PARD3B: variants seen among roughly 807,000 people sequenced by gnomAD.
PARD3B encodes the protein partitioning defective 3 homolog B.
Under a neutral mutation model 130.2 loss-of-function variants are expected in PARD3B, and 103 were observed. That is an observed-to-expected ratio of 0.79 (90% CI 0.67 to 0.93). The LOEUF (loss-of-function observed/expected upper bound fraction) is 0.93. Ranked by LOEUF, PARD3B falls within the 40% of genes least tolerant of loss-of-function variation. PARD3B has a pLI of 0.00. For missense variants in PARD3B, 1,609 were observed against 1,499.2 expected (o/e 1.07, Z -1.21); for synonymous variants, 583 against 553.2 (o/e 1.05, Z -0.76).
chr2:205,240,582 C>T (rs925567952), intron 15 of PARD3B, among the ~76,000 whole-genome samples: 1 of 152,070 alleles, frequency 6.6e-6, no homozygotes, highest in Non-Finnish European at 1.5e-5. Context: ...ATAGTGTTGG[C>T]ATTCTAAAAA....
At position 205,253,732 on chromosome 2, in the gene PARD3B, C is replaced by T. The variant is rs2039954032; in HGVS notation, c.2185+7910C>T. On this transcript the variant is annotated intron_variant, in intron 16 of 22. Transcript: ENST00000406610. This position sits in a 1 kb window ranked among gnomAD's most constrained non-coding sequence, Gnocchi z 4.4. ...GAGTGACAGGCTAGCATGAGCTGTG[C>T]AGCAGCAAGATTCCATATGAGCAAA... Among the ~76,000 whole-genome samples the T allele has an allele frequency of 1.3e-5, 2 of 152,054 alleles. No homozygotes were observed. Among genetic ancestry groups the T allele is most frequent in the Admixed American group, 6.6e-5 (1 of 15,264 alleles).
rs1177886663 is a variant in PARD3B at position 205,123,334 on chromosome 2, A to G, written c.1166-993A>G. On this transcript the variant is annotated intron_variant, in intron 8 of 22. Transcript: ENST00000406610. ...ATTTTAAGTAGATGAGGATATTTGAAAAGGTCAGGATCTGGACTGGAGAGG... is the reference window on the plus strand; with the variant it reads ...ATTTTAAGTAGATGAGGATATTTGAGAAGGTCAGGATCTGGACTGGAGAGG... Among the ~76,000 whole-genome samples, 6 of 152,204 alleles carry G rather than the reference A, an allele frequency of 3.9e-5. No homozygotes were observed. The East Asian group carries it at 1.2e-3, about 29-fold the overall frequency.
rs140565595 is a variant in PARD3B at position 205,274,958 on chromosome 2, T to C, written c.2186-25572T>C. Among the ~76,000 whole-genome samples the C allele has an allele frequency of 1.3e-3, 193 of 152,294 alleles. 1 individual carries two copies. Among genetic ancestry groups the C allele is most frequent in the African/African-American group, 4.4e-3 (185 of 41,580 alleles). On this transcript the variant is annotated intron_variant, in intron 16 of 22. Coordinates refer to ENST00000406610, the MANE Select transcript of PARD3B (RefSeq NM_001302769.2). This position sits in a 1 kb window ranked among gnomAD's most constrained non-coding sequence, Gnocchi z 4.2. Reference sequence around the variant, plus strand: ...TTTCCTTAATTTTTATTGTCCTGTGTTGTAAAGTGGTCTGTGGCTTCAAAG... The same window carrying C: ...TTTCCTTAATTTTTATTGTCCTGTGCTGTAAAGTGGTCTGTGGCTTCAAAG...
intron 2 of PARD3B, among the ~76,000 whole-genome samples, chr2:204,844,314 A>G (rs997419208): frequency 4.6e-5 from 7 of 152,158 alleles, no homozygotes; most frequent in Non-Finnish European, 1.0e-4. Flanking sequence ...AAATTGTAGC[A>G]GGAAAAAAAA....
chr2:204,889,095 G>C (rs550151666), intron 2 of PARD3B, among the ~76,000 whole-genome samples: 86 of 152,262 alleles, frequency 5.6e-4, no homozygotes, highest in Non-Finnish European at 9.6e-4. Context: ...TCATTGTGGG[G>C]AAACTGAGTA....
chr2:204,929,319 T>TTA (rs1409312922), intron 2 of PARD3B, among the ~76,000 whole-genome samples: 3 of 152,150 alleles, frequency 2.0e-5, no homozygotes, highest in African/African-American at 7.2e-5. Context: ...ACATTGAATG[T>TTA]TAAGGATTCT....
chr2:204,866,046 C>T (rs1299324961), intron 2 of PARD3B, among the ~76,000 whole-genome samples: 1 of 152,196 alleles, frequency 6.6e-6, no homozygotes, highest in East Asian at 1.9e-4. Flanking sequence ...TGTGTACCTT[C>T]ACTGAGGGCT....
intron 3 of PARD3B, among the ~76,000 whole-genome samples, chr2:205,003,656 T>A (rs2125288227): frequency 6.6e-6 from 1 of 152,338 alleles, no homozygotes; most frequent in East Asian, 1.9e-4. Context: ...GGAAACAGTT[T>A]ATTTTTATGT....
At chr2:205,097,561 C>G (rs1473585076) in intron 4 of PARD3B, among the ~76,000 whole-genome samples, 1 of 152,088 alleles carries the variant, frequency 6.6e-6, no homozygotes, top group East Asian at 1.9e-4. Context: ...AAGTGTGGCT[C>G]CTGGACAAGC....
chr2:205,602,156 C>T (rs1406822639), intron 22 of PARD3B, among the ~76,000 whole-genome samples: 1 of 152,108 alleles, frequency 6.6e-6, no homozygotes, highest in African/African-American at 2.4e-5. Flanking sequence ...GTCTTCAGTT[C>T]TATTTGTGTG....
chr2:205,163,574 A>T (rs2034632397), intron 11 of PARD3B, among the ~76,000 whole-genome samples: 1 of 152,232 alleles, frequency 6.6e-6, no homozygotes, highest in African/African-American at 2.4e-5. Flanking sequence ...ACAAGCAATC[A>T]TGATATTTTT....
chr2:205,248,402 TGGTGGTGGTGGTGGC>T (rs1393330684), intron 16 of PARD3B, among the ~76,000 whole-genome samples: 1 of 136,604 alleles, frequency 7.3e-6, no homozygotes, highest in Non-Finnish European at 1.6e-5. Context: ...GTGGTGGTGG[TGGTGGTGGTGGTGGC>T]GGCAGCAGCA....
chr2:205,067,179 A>G (rs1700446989), intron 4 of PARD3B, among the ~76,000 whole-genome samples: 1 of 103,224 alleles, frequency 9.7e-6, no homozygotes, highest in Admixed American at 1.2e-4. Context: ...TTTGTTTTTC[A>G]GAGAAAGGGT....
At chr2:204,745,205 C>T (rs1000862105) in intron 2 of PARD3B, among the ~76,000 whole-genome samples, 1 of 152,016 alleles carries the variant, frequency 6.6e-6, no homozygotes, top group Non-Finnish European at 1.5e-5. Context: ...TGTGCTATGG[C>T]CACTGGCTTT....
At chr2:204,910,446 T>G (rs1194302167) in intron 2 of PARD3B, among the ~76,000 whole-genome samples, 1 of 152,112 alleles carries the variant, frequency 6.6e-6, no homozygotes, top group Non-Finnish European at 1.5e-5. Context: ...ATATTTTGAT[T>G]CTGTACTTTC....
rs184636275 is a variant in PARD3B at position 205,011,900 on chromosome 2, G to A, written c.395-35681G>A. Among the ~76,000 whole-genome samples, 73 of 152,006 alleles carry A rather than the reference G, an allele frequency of 4.8e-4. No individual in the cohort carries two copies. Among genetic ancestry groups the A allele is most frequent in the Non-Finnish European group, 8.5e-4 (58 of 67,992 alleles). On this transcript the variant is annotated intron_variant, in intron 3 of 22. Transcript: ENST00000406610. The surrounding 1 kb of genome is among the most constrained non-coding windows in gnomAD (Gnocchi z 4.1). ...TACCCAGAAAATGCAACTCTGATTT[G>A]TACAAGGAGGAGAGAAGAGAATGGG...
intron 4 of PARD3B, among the ~76,000 whole-genome samples, chr2:205,076,891 C>T (rs1450966792): frequency 3.3e-5 from 5 of 152,136 alleles, no homozygotes; most frequent in African/African-American, 1.2e-4. Context: ...TATATTCCCT[C>T]CATGAGTTCA....
intron 3 of PARD3B, among the ~76,000 whole-genome samples, chr2:204,991,891 G>T (rs1223337235): frequency 6.7e-6 from 1 of 150,080 alleles, no homozygotes; most frequent in African/African-American, 2.4e-5. Flanking sequence ...AGACGTGTCT[G>T]TTCATGTCCT....
chr2:204,615,704 G>A (rs892561222), intron 1 of PARD3B, among the ~76,000 whole-genome samples: 5 of 152,110 alleles, frequency 3.3e-5, no homozygotes, highest in African/African-American at 7.2e-5. Context: ...CTGAATAACC[G>A]TGGTTTCTCT....
Sources: allele counts gnomAD v4.1 joint callset (sites outside exome capture counted in the v4.1 genomes callset), GRCh38; gene constraint gnomAD v4.1.1; non-coding constraint Gnocchi (gnomAD v3.1); transcripts MANE v1.5; gene names NCBI Gene and HGNC (gene_info 2026-07-23, HGNC 2026-07-21).